Variants in PDE4B observed in about 807,000 individuals in gnomAD.
PDE4B encodes phosphodiesterase 4B.
A neutral mutation model predicts 82.2 loss-of-function variants in PDE4B; 20 were observed. That is an observed-to-expected ratio of 0.24 (90% CI 0.17 to 0.35). The LOEUF is 0.35. Among genes scored for constraint, PDE4B ranks in the 10% least tolerant of loss-of-function variants. PDE4B has a pLI of 1.00. For missense variants in PDE4B, 655 were observed against 907.2 expected, an observed-to-expected ratio of 0.72 and a Z score of 3.57; for synonymous variants, 320 against 318.9, an observed-to-expected ratio of 1.00 and a Z score of -0.04.
chr1:65,817,274 C>G (rs1040963779), intron 1 of PDE4B, among the ~76,000 whole-genome samples: 4 of 152,178 alleles, frequency 2.6e-5, no homozygotes, highest in Non-Finnish European at 1.5e-5. Flanking sequence ...AAGGGTGCTG[C>G]TTCTTGCATT....
chr1:66,064,751 C>T (rs1426204133), intron 3 of PDE4B, among the ~76,000 whole-genome samples: 2 of 151,852 alleles, frequency 1.3e-5, no homozygotes, highest in Non-Finnish European at 2.9e-5. Flanking sequence ...TATTAGAATG[C>T]TATATCTTAT....
At chr1:66,087,739 G>A (rs903539438) in intron 3 of PDE4B, among the ~76,000 whole-genome samples, 6 of 151,822 alleles carry the variant, frequency 4.0e-5, no homozygotes, top group East Asian at 1.9e-4. Flanking sequence ...GAAATTGGAA[G>A]TCATCATTCT....
chr1:65,975,484 A>G (rs1405703577), intron 3 of PDE4B, among the ~76,000 whole-genome samples: 1 of 152,264 alleles, frequency 6.6e-6, no homozygotes, highest in Non-Finnish European at 1.5e-5. Flanking sequence ...TTTTCTGGGT[A>G]GAAATTCAAG....
chr1:66,261,348 C>G (rs1261230993), intron 6 of PDE4B, among the ~76,000 whole-genome samples: 2 of 152,236 alleles, frequency 1.3e-5, no homozygotes, highest in African/African-American at 4.8e-5. Context: ...AGCATACCCC[C>G]ACCCGAACAC....
intron 8 of PDE4B, among the ~76,000 whole-genome samples, chr1:66,353,719 G>T (rs891965525): frequency 1.3e-5 from 2 of 152,154 alleles, no homozygotes; most frequent in African/African-American, 4.8e-5. Flanking sequence ...CTGGGAAGAA[G>T]GGAGAGAGAA....
intron 1 of PDE4B, among the ~76,000 whole-genome samples, chr1:65,825,492 C>T (rs143316899): frequency 2.6e-3 from 389 of 152,170 alleles, no homozygotes; most frequent in Non-Finnish European, 4.4e-3. Context: ...ACATCCTAAT[C>T]GATAGAATCA....
intron 1 of PDE4B, among the ~76,000 whole-genome samples, chr1:65,909,224 A>G (rs1647060295): frequency 1.3e-5 from 2 of 152,160 alleles, no homozygotes; most frequent in Admixed American, 1.3e-4. Context: ...TTTGAACATC[A>G]TCTGCAAAAT....
At chr1:66,064,536 C>T (rs1322361370) in intron 3 of PDE4B, among the ~76,000 whole-genome samples, 1 of 151,990 alleles carries the variant, frequency 6.6e-6, no homozygotes, top group Non-Finnish European at 1.5e-5. Flanking sequence ...CCTCCAATTT[C>T]TTGCTGGTAT....
chr1:66,161,191 A>G (rs1646606108), intron 3 of PDE4B, among the ~76,000 whole-genome samples: 1 of 152,170 alleles, frequency 6.6e-6, no homozygotes, highest in Non-Finnish European at 1.5e-5. Flanking sequence ...CAGCAGCGAT[A>G]TAGATGATTA....
chr1:66,283,118 A>T (rs1426714582), intron 7 of PDE4B, among the ~76,000 whole-genome samples: 1 of 152,184 alleles, frequency 6.6e-6, no homozygotes, highest in Non-Finnish European at 1.5e-5. Flanking sequence ...AAGCATTTTC[A>T]TAAGGAGATT....
intron 3 of PDE4B, among the ~76,000 whole-genome samples, chr1:66,146,924 G>C (rs146458381): frequency 0.01 from 1,525 of 152,236 alleles, 30 homozygotes; most frequent in African/African-American, 0.034. Context: ...AAAGGACAAA[G>C]GACAGCTTCT....
intron 1 of PDE4B, among the ~76,000 whole-genome samples, chr1:65,811,439 A>G (rs1236775139): frequency 1.3e-5 from 2 of 152,236 alleles, no homozygotes; most frequent in African/African-American, 4.8e-5. Flanking sequence ...CTGTGCTTTG[A>G]CAGATGTTCA....
chr1:65,844,375 G>A (rs1308865952), intron 1 of PDE4B, among the ~76,000 whole-genome samples: 3 of 152,198 alleles, frequency 2.0e-5, no homozygotes, highest in Non-Finnish European at 4.4e-5. Flanking sequence ...GCATGGAAGT[G>A]TTTGGCATCG....
chr1:66,146,742 A>G (rs968466945), intron 3 of PDE4B, among the ~76,000 whole-genome samples: 1 of 152,212 alleles, frequency 6.6e-6, no homozygotes, highest in Non-Finnish European at 1.5e-5. Context: ...ACTCAAAGTT[A>G]AATATTAAAA....
At chr1:66,135,133 G>A (rs1646030867) in intron 3 of PDE4B, among the ~76,000 whole-genome samples, 1 of 152,196 alleles carries the variant, frequency 6.6e-6, no homozygotes, top group South Asian at 2.1e-4. Context: ...ATGTGTTGGT[G>A]TGTATTGGTG....
chr1:65,966,162 C>T (rs1454125267), intron 3 of PDE4B, among the ~76,000 whole-genome samples: 1 of 152,074 alleles, frequency 6.6e-6, no homozygotes, highest in African/African-American at 2.4e-5. Context: ...TCATCTCAGG[C>T]CAAAATCTCC....
At position 66,268,576 on chromosome 1, in the gene PDE4B, G is replaced by A. The variant is rs1655219840; in HGVS notation, c.634+2489G>A. On this transcript the variant is annotated intron_variant, in intron 7 of 16. Coordinates refer to ENST00000341517, the MANE Select transcript of PDE4B (RefSeq NM_002600.4). The stretch of plus-strand genomic sequence containing the variant: ...CCAGCTACTCGGGAGGCTGAGGCAG[G>A]AGAATCTCTTGAACCTGGGAGGCGG... Among the ~76,000 whole-genome samples the A allele has an allele frequency of 5.5e-5, 8 of 144,774 alleles. No individual in the cohort carries two copies. The Admixed American group carries it at 5.7e-4, about 10-fold the overall frequency. The allele number at this position is 144,774 out of a possible 152,430, so 95.0% of individuals were successfully genotyped here.
chr1:66,021,861 A>G (rs950269513), intron 3 of PDE4B, among the ~76,000 whole-genome samples: 3 of 152,198 alleles, frequency 2.0e-5, no homozygotes, highest in African/African-American at 7.2e-5. Context: ...AGTCATTGGT[A>G]GCTTGATGGG....
intron 1 of PDE4B, among the ~76,000 whole-genome samples, chr1:65,892,624 T>C (rs1474710692): frequency 1.3e-5 from 2 of 152,116 alleles, no homozygotes; most frequent in Non-Finnish European, 2.9e-5. Flanking sequence ...TCCCTAGGGA[T>C]AATTGTCTAC....
Sources: allele counts gnomAD v4.1 joint callset (sites outside exome capture counted in the v4.1 genomes callset), GRCh38; gene constraint gnomAD v4.1.1; transcripts MANE v1.5; gene names NCBI Gene and HGNC (gene_info 2026-07-23, HGNC 2026-07-21).